The following MAPK14 variants were observed in gnomAD, a reference collection of about 807,000 sequenced individuals.
The protein encoded by MAPK14 is mitogen-activated protein kinase 14, also known as CSAID-binding protein.
Under a neutral mutation model 49.6 loss-of-function variants are expected in MAPK14, and 16 were observed. That is an observed-to-expected ratio of 0.32 (90% CI 0.22 to 0.49). The LOEUF (loss-of-function observed/expected upper bound fraction) is 0.49. MAPK14 is among the 20% of genes least tolerant of loss of function. The probability of loss-of-function intolerance (pLI) is 0.99; values close to 1 mark genes in which losing one functional copy is unlikely to be tolerated. For missense variants in MAPK14, 200 were observed against 441.2 expected (o/e 0.45, Z 4.90); for synonymous variants, 142 against 158.0 (o/e 0.90, Z 0.76).
intron 2 of MAPK14, among the ~76,000 whole-genome samples, chr6:36,057,792 T>C (rs564850454): frequency 6.6e-6 from 1 of 152,166 alleles, no homozygotes; most frequent in Non-Finnish European, 1.5e-5. Context: ...TTCATGATAA[T>C]GTTTTGAGTG....
At chr6:36,068,902 T>G (rs1014289620) in intron 3 of MAPK14, among the ~76,000 whole-genome samples, 2 of 152,320 alleles carry the variant, frequency 1.3e-5, no homozygotes, top group Non-Finnish European at 2.9e-5. Flanking sequence ...AAATGTGATT[T>G]GTGCTCTCTA....
At chr6:36,111,660 A>T (rs941302190), downstream of MAPK14, among the ~76,000 whole-genome samples, 4 of 151,976 alleles carry the variant, frequency 2.6e-5, no homozygotes, top group Non-Finnish European at 4.4e-5. Context: ...GTTCTCAGGG[A>T]CTTTGCTGAT....
At chr6:36,123,431 G>A in the MAPK14 span, among the ~76,000 whole-genome samples, 1 of 152,162 alleles carries the variant, frequency 6.6e-6, no homozygotes, top group East Asian at 1.9e-4. Context: ...GATTGTATCA[G>A]ACTGAACAGT....
chr6:36,073,753 G>A (rs763144315), intron 5 of MAPK14, 33 bp downstream of exon 5: 3 of 1,601,996 alleles, frequency 1.9e-6, no homozygotes, highest in South Asian at 2.2e-5. Context: ...CATTATTTTG[G>A]GGAAGTGGGG....
intron 1 of MAPK14, among the ~76,000 whole-genome samples, chr6:36,051,723 A>C (rs1417145491): frequency 3.9e-5 from 6 of 152,144 alleles, no homozygotes. Flanking sequence ...AAGTTACCTA[A>C]CTTCTCTCTG....
intron 10 of MAPK14, among the ~76,000 whole-genome samples, chr6:36,104,019 CCT>C (rs1459540264): frequency 1.3e-5 from 2 of 152,156 alleles, no homozygotes; most frequent in Non-Finnish European, 2.9e-5. Context: ...GGTGATTTTA[CCT>C]TTTTAAGTAC....
intron 1 of MAPK14, among the ~76,000 whole-genome samples, chr6:36,037,020 G>C (rs566103951): frequency 8.1e-4 from 123 of 152,206 alleles, no homozygotes; most frequent in African/African-American, 2.8e-3. Context: ...AGAGTAATAG[G>C]TATGAGCCAC....
At chr6:36,096,233 G>A (rs1429112901) in intron 9 of MAPK14, 167 bp downstream of exon 9, 8 of 557,136 alleles carry the variant, frequency 1.4e-5, no homozygotes, top group Middle Eastern at 3.0e-4. Flanking sequence ...GTGCGTGCAC[G>A]CATGTGTGCC....
the MAPK14 span, among the ~76,000 whole-genome samples, chr6:36,123,151 A>G: frequency 2.0e-5 from 3 of 152,092 alleles, no homozygotes; most frequent in Non-Finnish European, 4.4e-5. Context: ...AAGGTGGACA[A>G]TTCCATAGGG....
intron 1 of MAPK14, chr6:36,029,287 A>C (rs1209964053): frequency 6.6e-6 from 1 of 152,164 alleles, no homozygotes; most frequent in Admixed American, 6.5e-5. Context: ...TTTCGTAAGG[A>C]TATGGAACCA....
chr6:36,069,198 A>G (rs2127436931), intron 3 of MAPK14, among the ~76,000 whole-genome samples: 1 of 152,330 alleles, frequency 6.6e-6, no homozygotes, highest in East Asian at 1.9e-4. Flanking sequence ...AGAAACAAAT[A>G]CTATAGAAAT....
At chr6:36,094,121 A>G (rs1046011671) in intron 8 of MAPK14, among the ~76,000 whole-genome samples, 3 of 152,206 alleles carry the variant, frequency 2.0e-5, no homozygotes, top group African/African-American at 7.2e-5. Context: ...TTACTTGTCA[A>G]CATCTTGAAC....
chr6:36,033,910 A>G (rs748167496), intron 1 of MAPK14, among the ~76,000 whole-genome samples: 1 of 152,320 alleles, frequency 6.6e-6, no homozygotes, highest in East Asian at 1.9e-4. Context: ...AGCATTATCA[A>G]TCAGTTCTCA....
intron 8 of MAPK14, among the ~76,000 whole-genome samples, chr6:36,093,291 G>T (rs899501272): frequency 6.6e-6 from 1 of 152,036 alleles, no homozygotes; most frequent in Admixed American, 6.6e-5. Context: ...GGAGAGAGAG[G>T]GTTTCTCAGC....
At chr6:36,123,243 G>A in the MAPK14 span, among the ~76,000 whole-genome samples, 1 of 152,088 alleles carries the variant, frequency 6.6e-6, no homozygotes, top group Non-Finnish European at 1.5e-5. Flanking sequence ...GGAGTGGATG[G>A]TGCAAATTCG....
intron 8 of MAPK14, among the ~76,000 whole-genome samples, chr6:36,081,881 A>C (rs1480624864): frequency 6.6e-6 from 1 of 151,882 alleles, no homozygotes; most frequent in African/African-American, 2.4e-5. Flanking sequence ...TGAACAAAGG[A>C]TCTCTTTCCA....
intron 1 of MAPK14, among the ~76,000 whole-genome samples, chr6:36,043,624 A>C (rs920277566): frequency 2.0e-5 from 3 of 152,134 alleles, no homozygotes; most frequent in Admixed American, 1.3e-4. Flanking sequence ...GGTAAAGAGA[A>C]AGTTCCAAGT....
rs377367391 is a variant in MAPK14 at position 36,068,028 on chromosome 6, TAGAA to T, written c.306-4842_306-4839del. On this transcript the variant is annotated intron_variant, in intron 3 of 11. Coordinates refer to ENST00000229794, the MANE Select transcript of MAPK14 (RefSeq NM_139012.3). ...TAATGCTATAACTAAAAAGAAAAGG[TAGAA>T]AGGTAGAACAGGAAAGGGGAATTAG... 9.1e-4 allele frequency among the ~76,000 whole-genome samples: 138 copies of T among 151,580 alleles called. 4 individuals carry two copies. The East Asian group carries it at 0.015, about 16-fold the overall frequency.
At chr6:36,063,036 A>G (rs1763889902) in intron 3 of MAPK14, among the ~76,000 whole-genome samples, 3 of 152,158 alleles carry the variant, frequency 2.0e-5, no homozygotes, top group South Asian at 4.1e-4. Flanking sequence ...ATATACAGTC[A>G]TGCATCAGTT....
Sources: allele counts gnomAD v4.1 joint callset (sites outside exome capture counted in the v4.1 genomes callset), GRCh38; gene constraint gnomAD v4.1.1; transcripts MANE v1.5; gene names NCBI Gene and HGNC (gene_info 2026-07-23, HGNC 2026-07-21).